Variants in C1QTNF3 observed in about 807,000 individuals in gnomAD.
C1QTNF3 encodes complement C1q tumor necrosis factor-related protein 3.
Under a neutral mutation model 32.6 loss-of-function variants are expected in C1QTNF3, and 26 were observed. The ratio of observed to expected loss-of-function variants is 0.80; its 90% CI spans 0.58 to 1.11. The LOEUF (loss-of-function observed/expected upper bound fraction) is 1.11, where lower values mean the gene tolerates loss of function less well. Ranked by LOEUF, C1QTNF3 falls within the 50% of genes least tolerant of loss-of-function variation. The pLI is 0.00. For synonymous variants in C1QTNF3, 155 were observed against 146.0 expected (o/e 1.06, Z -0.44); for missense variants, 362 against 398.2 (o/e 0.91, Z 0.77).
the C1QTNF3 span, among the ~76,000 whole-genome samples, chr5:34,122,576 A>C: frequency 6.6e-6 from 1 of 152,236 alleles, no homozygotes; most frequent in South Asian, 2.1e-4. Flanking sequence ...ATAGTAAAAT[A>C]TGCAAAGAGA....
At chr5:34,044,670 C>T (rs188162323), upstream of C1QTNF3, among the ~76,000 whole-genome samples, 114 of 152,170 alleles carry the variant, frequency 7.5e-4, no homozygotes, top group Admixed American at 7.1e-3. Flanking sequence ...GTGCTGGGGA[C>T]GGAGGGAGAG....
the C1QTNF3 span, among the ~76,000 whole-genome samples, chr5:34,214,176 A>G: frequency 2.6e-5 from 4 of 152,078 alleles, no homozygotes; most frequent in Non-Finnish European, 5.9e-5. Flanking sequence ...AGACTTTGAT[A>G]AAGTAATTAA....
chr5:34,160,276 C>T, the C1QTNF3 span, among the ~76,000 whole-genome samples: 2 of 152,122 alleles, frequency 1.3e-5, no homozygotes, highest in South Asian at 2.1e-4. Flanking sequence ...CCTACCATCC[C>T]GTTTTTCTTT....
the C1QTNF3 span, among the ~76,000 whole-genome samples, chr5:34,051,699 G>A: frequency 1.3e-5 from 2 of 152,278 alleles, no homozygotes; most frequent in South Asian, 4.1e-4. Flanking sequence ...TCCTTCTTCT[G>A]GGAGGCCTTT....
chr5:34,038,563 T>C (rs541954161), intron 1 of C1QTNF3, among the ~76,000 whole-genome samples: 28 of 152,336 alleles, frequency 1.8e-4, no homozygotes, highest in African/African-American at 6.7e-4. Context: ...GTCTGGAATT[T>C]CTTTATTTGA....
chr5:34,124,498 A>G, the C1QTNF3 span: 2 of 713,640 alleles, frequency 2.8e-6, no homozygotes, highest in Admixed American at 4.1e-5. Context: ...TGAGACCAGG[A>G]GCAAGAGAGA....
At chr5:34,176,258 T>TG in the C1QTNF3 span, among the ~76,000 whole-genome samples, 1 of 30,714 alleles carries the variant, frequency 3.3e-5, no homozygotes, top group Non-Finnish European at 6.1e-5. Flanking sequence ...TGTTGTGCGG[T>TG]GGGGGGAGGG....
At chr5:34,154,034 A>AT in the C1QTNF3 span, among the ~76,000 whole-genome samples, 1 of 71,924 alleles carries the variant, frequency 1.4e-5, no homozygotes, top group Non-Finnish European at 2.7e-5. Flanking sequence ...CTGCAAAATA[A>AT]AAAAAAAAAA....
the C1QTNF3 span, among the ~76,000 whole-genome samples, chr5:34,096,003 A>C: frequency 1.3e-5 from 2 of 152,018 alleles, no homozygotes; most frequent in African/African-American, 4.8e-5. Flanking sequence ...GCTTAAAGGG[A>C]TGTCAATTGC....
chr5:34,209,560 C>A, the C1QTNF3 span, among the ~76,000 whole-genome samples: 2 of 151,658 alleles, frequency 1.3e-5, no homozygotes, highest in African/African-American at 4.8e-5. Context: ...AATAGAAAAT[C>A]TTTGTCTTGA....
the C1QTNF3 span, among the ~76,000 whole-genome samples, chr5:34,196,160 T>C: frequency 2.0e-5 from 3 of 152,310 alleles, no homozygotes; most frequent in African/African-American, 7.2e-5. Flanking sequence ...GCTTTTGTTT[T>C]TTTTGAGACA....
chr5:34,160,969 C>T, the C1QTNF3 span, among the ~76,000 whole-genome samples: 6 of 152,046 alleles, frequency 3.9e-5, no homozygotes, highest in African/African-American at 1.4e-4. Context: ...ATAAGAGTCT[C>T]ATAGTTTGGA....
At chr5:34,225,890 C>T in the C1QTNF3 span, among the ~76,000 whole-genome samples, 3 of 151,360 alleles carry the variant, frequency 2.0e-5, no homozygotes, top group South Asian at 4.2e-4. Flanking sequence ...ATTTAATATG[C>T]TCATCAAAAT....
chr5:34,176,067 T>C, the C1QTNF3 span: 4 of 600,980 alleles, frequency 6.7e-6, no homozygotes, highest in African/African-American at 5.6e-5. Flanking sequence ...CTGGGGGCTG[T>C]AGTGACTGCA....
chr5:34,056,480 A>AT, the C1QTNF3 span, among the ~76,000 whole-genome samples: 2 of 21,742 alleles, frequency 9.2e-5, no homozygotes. Flanking sequence ...ATATATATAT[A>AT]GAGAGAGAGA....
the C1QTNF3 span, among the ~76,000 whole-genome samples, chr5:34,115,748 AC>A: frequency 2.8e-4 from 42 of 151,182 alleles, no homozygotes; most frequent in African/African-American, 1.0e-3. Flanking sequence ...AAAAAAAAAA[AC>A]TTTCAGCTGG....
chr5:34,147,749 C>G, the C1QTNF3 span, among the ~76,000 whole-genome samples: 2 of 152,060 alleles, frequency 1.3e-5, no homozygotes, highest in African/African-American at 4.8e-5. Context: ...GATGCATACC[C>G]CAAACCTCAG....
upstream of C1QTNF3, chr5:34,043,385 T>C (rs574034203): frequency 4.1e-6 from 2 of 489,656 alleles, no homozygotes; most frequent in East Asian, 3.4e-5. Context: ...GCGAAATTCA[T>C]AAATGTCACA....
chr5:34,120,046 A>C, the C1QTNF3 span, among the ~76,000 whole-genome samples: 1 of 152,146 alleles, frequency 6.6e-6, no homozygotes, highest in Non-Finnish European at 1.5e-5. Flanking sequence ...TATTTGATTA[A>C]ACTTGAGGAA....
Sources: allele counts gnomAD v4.1 joint callset (sites outside exome capture counted in the v4.1 genomes callset), GRCh38; gene constraint gnomAD v4.1.1; transcripts MANE v1.5; gene names NCBI Gene and HGNC (gene_info 2026-07-23, HGNC 2026-07-21).